The following CFAP61 variants were observed in gnomAD, a reference collection of about 807,000 sequenced individuals.
CFAP61 encodes cilia- and flagella-associated protein 61.
In CFAP61, 107 loss-of-function variants were observed where a neutral mutation model predicts 135.6. The ratio of observed to expected loss-of-function variants is 0.79; its 90% CI spans 0.67 to 0.93. CFAP61 has a LOEUF of 0.93. Among genes scored for constraint, CFAP61 ranks in the 40% least tolerant of loss-of-function variants. The probability of loss-of-function intolerance (pLI) is 0.00; values close to 1 mark genes in which losing one functional copy is unlikely to be tolerated. For synonymous variants in CFAP61, 575 were observed against 578.5 expected, an observed-to-expected ratio of 0.99 and a Z score of 0.09; for missense variants, 1,507 against 1,556.2, an observed-to-expected ratio of 0.97 and a Z score of 0.53.
At chr20:20,101,889 A>T (rs1451099774) in intron 8 of CFAP61, among the ~76,000 whole-genome samples, 2 of 152,148 alleles carry the variant, frequency 1.3e-5, no homozygotes, top group East Asian at 3.9e-4. Flanking sequence ...CGGCTTCCCA[A>T]AGTGCTGGGA....
intron 24 of CFAP61, among the ~76,000 whole-genome samples, chr20:20,293,517 G>T (rs992005307): frequency 6.6e-6 from 1 of 152,162 alleles, no homozygotes; most frequent in Non-Finnish European, 1.5e-5. Context: ...TTGCCAAAAT[G>T]GTCAGGCAGT....
intron 16 of CFAP61, among the ~76,000 whole-genome samples, chr20:20,197,667 G>A (rs2056384778): frequency 6.6e-6 from 1 of 151,940 alleles, no homozygotes; most frequent in African/African-American, 2.4e-5. Context: ...CATATAAGGT[G>A]TCTGGTTGTT....
At chr20:20,071,939 T>A (rs1210200797) in intron 3 of CFAP61, among the ~76,000 whole-genome samples, 1 of 152,046 alleles carries the variant, frequency 6.6e-6, no homozygotes, top group Non-Finnish European at 1.5e-5. Flanking sequence ...TTTGGTTGAG[T>A]AGCCTGTTTT....
intron 9 of CFAP61, among the ~76,000 whole-genome samples, chr20:20,144,067 A>C (rs759495771): frequency 3.3e-5 from 5 of 152,246 alleles, no homozygotes; most frequent in Non-Finnish European, 2.9e-5. Context: ...GTCCTGCTTA[A>C]CAAATCTTTA....
chr20:20,163,604 T>A (rs2053579482), intron 10 of CFAP61, among the ~76,000 whole-genome samples: 1 of 152,002 alleles, frequency 6.6e-6, no homozygotes, highest in Non-Finnish European at 1.5e-5. Flanking sequence ...TCTTTATTAT[T>A]ATTATTTTTT....
intron 19 of CFAP61, among the ~76,000 whole-genome samples, chr20:20,247,138 GAAGCC>G (rs2050515508): frequency 6.6e-6 from 1 of 152,194 alleles, no homozygotes; most frequent in Non-Finnish European, 1.5e-5. Context: ...CAGTACACGA[GAAGCC>G]AAGCTTGCTG....
At chr20:20,055,915 T>C (rs148835598) in intron 1 of CFAP61, 746 of 1,510,964 alleles carry the variant, frequency 4.9e-4, no homozygotes, top group Non-Finnish European at 6.7e-4. Flanking sequence ...ATTGAGACAA[T>C]GAGAGAGAAA....
chr20:20,244,367 G>A (rs529938431), intron 18 of CFAP61, among the ~76,000 whole-genome samples: 38 of 152,326 alleles, frequency 2.5e-4, no homozygotes, highest in East Asian at 1.5e-3. Flanking sequence ...TACATCCTCC[G>A]ACATCTAAGT....
intron 1 of CFAP61, among the ~76,000 whole-genome samples, chr20:20,054,112 C>T (rs929489489): frequency 1.4e-5 from 2 of 148,072 alleles, no homozygotes; most frequent in Admixed American, 6.8e-5. Flanking sequence ...CTTCTTATTT[C>T]CCAGCATTTA....
At chr20:20,334,654 T>C (rs2058112436) in intron 25 of CFAP61, among the ~76,000 whole-genome samples, 1 of 152,240 alleles carries the variant, frequency 6.6e-6, no homozygotes, top group Non-Finnish European at 1.5e-5. Flanking sequence ...CAAATTATAT[T>C]TCGAGGCTGC....
At chr20:20,355,013 GCA>G (rs1602163072) in intron 26 of CFAP61, among the ~76,000 whole-genome samples, 3 of 135,108 alleles carry the variant, frequency 2.2e-5, no homozygotes, top group Non-Finnish European at 3.2e-5. Flanking sequence ...TGGTCACACT[GCA>G]AGAGGGGAGG....
At chr20:20,068,825 A>G (rs1287100335) in intron 2 of CFAP61, among the ~76,000 whole-genome samples, 2 of 152,224 alleles carry the variant, frequency 1.3e-5, no homozygotes, top group Admixed American at 1.3e-4. Flanking sequence ...GCTCGCTGCA[A>G]CCTCTGCCTC....
In CFAP61 at chr20:20,251,698, G is replaced by C. The variant is rs1569193895; in HGVS notation, c.2263G>C (p.Val755Leu). Residue 755 changes from valine to leucine, a missense_variant, in exon 20 of 27, where the codon GTG becomes CTG. Val to Leu is a conservative substitution (Grantham distance 32). Coordinates refer to ENST00000245957, the MANE Select transcript of CFAP61 (RefSeq NM_015585.4). ...CATAGACCGAGCAGCCAAGCACGTT[G>C]TGCTTTCCACGGACGAGATCGTGCC... ...TGIDRAAKHV[V>L]LSTDEIVPYD... The C allele has an allele frequency of 6.2e-7, 1 of 1,614,226 alleles. No homozygotes were observed. Among genetic ancestry groups the C allele is most frequent in the East Asian group, 2.2e-5 (1 of 44,878 alleles).
chr20:20,345,877 G>T (rs1176465634), intron 26 of CFAP61, among the ~76,000 whole-genome samples: 1 of 128,558 alleles, frequency 7.8e-6, no homozygotes, highest in Non-Finnish European at 1.6e-5. Flanking sequence ...AGCTGAGATT[G>T]TGCCACTTTT....
Position 20,057,614 on chromosome 20 carries a change from G to A in CFAP61, c.143+818G>A, listed in dbSNP as rs376657384. Among the ~76,000 whole-genome samples the A allele has an allele frequency of 1.1e-4, 16 of 152,298 alleles. 1 individual carries two copies. Among genetic ancestry groups the A allele is most frequent in the African/African-American group, 3.8e-4 (16 of 41,566 alleles). On this transcript the variant is annotated intron_variant, in intron 2 of 26. Transcript: ENST00000245957. ...TCTTCTGAACTTTAAAGTATGCATA[G>A]ATTTGTTTCTTAAAAGATCTTTTTT...
intron 13 of CFAP61, chr20:20,172,090 AGTAAAAAACTCAGT>A: frequency 1.6e-6 from 1 of 611,812 alleles, no homozygotes; most frequent in East Asian, 5.0e-5. Flanking sequence ...GCATGTGTCC[AGTAAAAAACTCAGT>A]TGATTCCTTA....
intron 14 of CFAP61, among the ~76,000 whole-genome samples, chr20:20,189,803 G>C (rs1163115948): frequency 6.6e-6 from 1 of 152,110 alleles, no homozygotes; most frequent in Non-Finnish European, 1.5e-5. Flanking sequence ...TTATTTATTT[G>C]TTTATTTTGA....
intron 26 of CFAP61, among the ~76,000 whole-genome samples, chr20:20,358,076 AG>A (rs1276495425): frequency 4.3e-5 from 6 of 139,986 alleles, no homozygotes; most frequent in African/African-American, 1.4e-4. Context: ...GGTCACACTG[AG>A]GGGAGGTGGT....
At chr20:20,229,962 C>A (rs958681410) in intron 18 of CFAP61, among the ~76,000 whole-genome samples, 6 of 152,176 alleles carry the variant, frequency 3.9e-5, no homozygotes, top group African/African-American at 1.4e-4. Context: ...TTTTGAACAG[C>A]AAGTTTTATG....
Sources: gnomAD v4.1 joint callset for allele counts (sites outside exome capture counted in the v4.1 genomes callset) on GRCh38, gnomAD v4.1.1 for gene constraint, MANE v1.5 for transcripts, NCBI Gene and HGNC (gene_info 2026-07-23, HGNC 2026-07-21) for gene names.